SUGCT: variants seen among roughly 807,000 people sequenced by gnomAD.
SUGCT encodes the protein succinyl-CoA:glutarate CoA-transferase.
Under a neutral mutation model 55.0 loss-of-function variants are expected in SUGCT, and 41 were observed. The ratio of observed to expected loss-of-function variants is 0.74; its 90% CI spans 0.58 to 0.97. The LOEUF is 0.97. Among genes scored for constraint, SUGCT ranks in the 50% least tolerant of loss-of-function variants. The pLI is 0.00. For synonymous variants in SUGCT, 187 were observed against 200.4 expected (o/e 0.93, Z 0.56); for missense variants, 568 against 547.8 (o/e 1.04, Z -0.37).
At chr7:40,372,919 A>G (rs1222371659) in intron 9 of SUGCT, among the ~76,000 whole-genome samples, 2 of 152,062 alleles carry the variant, frequency 1.3e-5, no homozygotes, top group East Asian at 3.9e-4. Context: ...ATCCATATTG[A>G]TTTGTCATGA....
At chr7:40,728,290 G>A (rs779996262) in intron 12 of SUGCT, among the ~76,000 whole-genome samples, 9 of 152,056 alleles carry the variant, frequency 5.9e-5, no homozygotes, top group Non-Finnish European at 1.0e-4. Context: ...AGGCTGAAGC[G>A]GGTGGATCAG....
intron 7 of SUGCT, among the ~76,000 whole-genome samples, chr7:40,261,979 A>G (rs1791251909): frequency 6.6e-6 from 1 of 152,158 alleles, no homozygotes; most frequent in East Asian, 1.9e-4. Context: ...CCAACCTTCC[A>G]TTTCATTTTC....
intron 1 of SUGCT, among the ~76,000 whole-genome samples, chr7:40,175,816 C>G (rs1159533025): frequency 1.3e-5 from 2 of 152,116 alleles, no homozygotes; most frequent in Admixed American, 1.3e-4. Context: ...CAAGTATCAC[C>G]TTGTTCAACC....
chr7:40,322,722 G>A (rs940135973), intron 9 of SUGCT, among the ~76,000 whole-genome samples: 6 of 152,264 alleles, frequency 3.9e-5, no homozygotes, highest in Admixed American at 2.0e-4. Flanking sequence ...CACTACTGAT[G>A]CGGGAGGATT....
At chr7:40,373,216 G>A (rs1784371825) in intron 9 of SUGCT, among the ~76,000 whole-genome samples, 1 of 122,346 alleles carries the variant, frequency 8.2e-6, no homozygotes, top group African/African-American at 2.8e-5. Flanking sequence ...AAGAAGTTAA[G>A]TGATTCTAGA....
chr7:40,536,532 T>G (rs1794370225), intron 12 of SUGCT, among the ~76,000 whole-genome samples: 1 of 152,206 alleles, frequency 6.6e-6, no homozygotes, highest in Non-Finnish European at 1.5e-5. Context: ...GGAATGGCTG[T>G]TTACAATTGG....
intron 12 of SUGCT, among the ~76,000 whole-genome samples, chr7:40,679,702 A>T (rs1352185711): frequency 6.6e-6 from 1 of 152,190 alleles, no homozygotes; most frequent in Non-Finnish European, 1.5e-5. Context: ...ATTTATGATT[A>T]AAAAAGCCCA....
chr7:40,599,571 C>T (rs970559616), intron 12 of SUGCT, among the ~76,000 whole-genome samples: 3 of 152,128 alleles, frequency 2.0e-5, no homozygotes, highest in Non-Finnish European at 2.9e-5. Flanking sequence ...CATTCTCTTC[C>T]TCCAAACTGC....
intron 12 of SUGCT, among the ~76,000 whole-genome samples, chr7:40,632,407 A>G (rs1237782520): frequency 1.3e-5 from 2 of 151,586 alleles, no homozygotes; most frequent in Non-Finnish European, 2.9e-5. Flanking sequence ...TGTGATTGCC[A>G]TGGGTGGTGG....
At chr7:40,843,651 CATGCTTGGTGAACAGCAAGGA>C (rs1793400794) in intron 13 of SUGCT, among the ~76,000 whole-genome samples, 1 of 152,072 alleles carries the variant, frequency 6.6e-6, no homozygotes, top group Non-Finnish European at 1.5e-5. Flanking sequence ...CAAGGAGGAA[CATGCTTGGTGAACAGCAAGGA>C]GGCCAGTGTG....
At chr7:40,263,172 T>C (rs1461836366) in intron 7 of SUGCT, among the ~76,000 whole-genome samples, 2 of 152,206 alleles carry the variant, frequency 1.3e-5, no homozygotes, top group Non-Finnish European at 2.9e-5. Context: ...TCTGCCCACC[T>C]TGGCCTCCCA....
In SUGCT at chr7:40,513,742, A is replaced by G. The variant is rs562497107; in HGVS notation, c.1089+17356A>G. On this transcript the variant is annotated intron_variant, in intron 12 of 13. Transcript: ENST00000335693. ...CTTATTTAAATTAGGGGATTCTCCT[A>G]GAGATAATGCTTACTGTGTGATCTT... Among the ~76,000 whole-genome samples, 147 of 151,532 alleles carry G rather than the reference A, an allele frequency of 9.7e-4. 1 individual carries two copies. Among genetic ancestry groups the G allele is most frequent in the African/African-American group, 3.3e-3 (136 of 41,318 alleles).
chr7:40,738,558 G>A (rs189781038), intron 12 of SUGCT, among the ~76,000 whole-genome samples: 111 of 152,272 alleles, frequency 7.3e-4, no homozygotes, highest in Middle Eastern at 6.8e-3. Context: ...CTTTAGTAAT[G>A]TTAGATGCTA....
At chr7:40,794,056 C>T (rs142922154) in intron 13 of SUGCT, among the ~76,000 whole-genome samples, 129 of 151,938 alleles carry the variant, frequency 8.5e-4, no homozygotes, top group African/African-American at 2.7e-3. Flanking sequence ...CTTTTTAAAA[C>T]GTTTATATGT....
chr7:40,895,319 G>C, the SUGCT span, among the ~76,000 whole-genome samples: 83 of 152,182 alleles, frequency 5.5e-4, no homozygotes, highest in Admixed American at 9.8e-4. Flanking sequence ...TGAGGGTGGA[G>C]GGTGGGAGGA....
chr7:40,141,674 T>C (rs1787990439), intron 1 of SUGCT: 1 of 187,864 alleles, frequency 5.3e-6, no homozygotes, highest in African/African-American at 2.4e-5. Context: ...TTATCACATT[T>C]ACAGGTAATA....
the SUGCT span, among the ~76,000 whole-genome samples, chr7:40,977,991 G>A: frequency 1.3e-5 from 2 of 152,140 alleles, no homozygotes; most frequent in South Asian, 2.1e-4. Flanking sequence ...ATTTTTTCCT[G>A]TTCGCCATTG....
In SUGCT at chr7:40,396,831, T is replaced by C. The variant is rs199577659; in HGVS notation, c.817-52456T>C. Among the ~76,000 whole-genome samples the C allele has an allele frequency of 1.7e-4, 26 of 152,304 alleles. No individual in the cohort carries two copies. The East Asian group carries it at 2.7e-3, about 16-fold the overall frequency. On this transcript the variant is annotated intron_variant, in intron 9 of 13. Coordinates refer to ENST00000335693, the MANE Select transcript of SUGCT (RefSeq NM_001193313.2). ...TCCCTCTTTTGTAAAATACAAACCATCACTTCTTTCTTTAAGCAGTAACTG... is the reference window on the plus strand; with the variant it reads ...TCCCTCTTTTGTAAAATACAAACCACCACTTCTTTCTTTAAGCAGTAACTG...
chr7:40,207,486 GC>G (rs1787040003), intron 6 of SUGCT, among the ~76,000 whole-genome samples: 1 of 152,114 alleles, frequency 6.6e-6, no homozygotes, highest in African/African-American at 2.4e-5. Flanking sequence ...AAATGGTTCA[GC>G]CCCTATGGAA....
Sources: gnomAD v4.1 joint callset for allele counts (sites outside exome capture counted in the v4.1 genomes callset) on GRCh38, gnomAD v4.1.1 for gene constraint, MANE v1.5 for transcripts, NCBI Gene and HGNC (gene_info 2026-07-23, HGNC 2026-07-21) for gene names.